The following FAAH2 variants were observed in gnomAD, a reference collection of about 807,000 sequenced individuals.
FAAH2 encodes the protein fatty acid amide hydrolase 2, also known as fatty-acid amide hydrolase 2.
FAAH2 carries 60 observed loss-of-function variants against 36.9 expected under a neutral mutation model. The observed-to-expected ratio is 1.63, with a 90% CI of 1.32 to 2.02. The LOEUF is 2.02. FAAH2 is among the 30% of genes most tolerant of loss of function. The probability of loss-of-function intolerance (pLI) is 0.00; values close to 1 mark genes in which losing one functional copy is unlikely to be tolerated. For synonymous variants in FAAH2, 214 were observed against 143.8 expected, an observed-to-expected ratio of 1.49 and a Z score of -3.49; for missense variants, 689 against 397.5, an observed-to-expected ratio of 1.73 and a Z score of -6.23.
In FAAH2 at chrX:57,439,215, C is replaced by A. The variant is rs1433152494; in HGVS notation, c.1116+7178C>A. Reference sequence around the variant, plus strand: ...ATGGTTGAACTAGTTTACGGTCCCACCAACAGTGTAAAAGTGTTCCTATTT... The same window carrying A: ...ATGGTTGAACTAGTTTACGGTCCCAACAACAGTGTAAAAGTGTTCCTATTT... On this transcript the variant is annotated intron_variant, in intron 8 of 10. Transcript: ENST00000374900. Among the ~76,000 whole-genome samples the A allele has an allele frequency of 2.7e-5, 3 of 109,435 alleles. 1 individual carries two copies. The highest frequency in any genetic ancestry group is 5.7e-5 in the Non-Finnish European group (3 of 52,615).
intron 8 of FAAH2, among the ~76,000 whole-genome samples, chrX:57,434,270 T>G (rs2056364764): frequency 9.2e-6 from 1 of 108,689 alleles, no homozygotes; most frequent in African/African-American, 3.4e-5. Context: ...GAGATGGGGT[T>G]TCACCATTTT....
chrX:57,236,671 C>T, the FAAH2 span, among the ~76,000 whole-genome samples: 1 of 110,972 alleles, frequency 9.0e-6, no homozygotes, highest in East Asian at 2.8e-4. Context: ...CTTTTCAGAC[C>T]TTTTGTCCAT....
chrX:57,478,356 T>G (rs1180828277), intron 10 of FAAH2, among the ~76,000 whole-genome samples: 1 of 111,406 alleles, frequency 9.0e-6, no homozygotes, highest in Non-Finnish European at 1.9e-5. Flanking sequence ...TTCTTGTAAA[T>G]TTGTTTGAGT....
At chrX:57,457,700 CAA>C (rs142534517) in intron 10 of FAAH2, among the ~76,000 whole-genome samples, 1 of 86,349 alleles carries the variant, frequency 1.2e-5, no homozygotes, top group Middle Eastern at 5.7e-3. Context: ...ACAATAGCCA[CAA>C]AAAAAAAAAA....
chrX:57,450,344 A>G (rs959361169), intron 10 of FAAH2, among the ~76,000 whole-genome samples: 10 of 110,327 alleles, frequency 9.1e-5, no homozygotes, highest in African/African-American at 3.3e-4. Flanking sequence ...CAAATCCCTC[A>G]CAGCAACTGA....
chrX:57,449,685 T>C (rs1046051905), intron 10 of FAAH2, among the ~76,000 whole-genome samples: 8 of 110,210 alleles, frequency 7.3e-5, no homozygotes, highest in African/African-American at 2.6e-4. Flanking sequence ...CTTCCTTCCT[T>C]CTTGGAGTTT....
Position 57,381,012 on chromosome X carries a change from A to G in FAAH2, c.979A>G (p.Ile327Val). ...AATGTCCAAAGTGGACCAAGATCTC[A>G]TTATGACTCAGAAAAAGGTAATTTT... ...FLMSKVDQDL[I>V]MTQKKVVVHL... The change falls in exon 7 of 11, where the codon ATT (isoleucine) becomes GTT (valine). Residue 327 changes from isoleucine (I) to valine (V), a missense_variant. Transcript: ENST00000374900. The G allele has an allele frequency of 8.6e-7, 1 of 1,163,693 alleles. No individual in the cohort carries two copies. The highest frequency in any genetic ancestry group is 1.2e-6 in the Non-Finnish European group (1 of 862,330).
chrX:57,484,482 AG>A (rs1267841784), intron 10 of FAAH2, among the ~76,000 whole-genome samples: 1 of 111,559 alleles, frequency 9.0e-6, no homozygotes, highest in Non-Finnish European at 1.9e-5. Flanking sequence ...CCCTTGTTGT[AG>A]GGCTCATCAT....
chrX:57,410,855 T>C (rs1209814284), intron 7 of FAAH2, among the ~76,000 whole-genome samples: 2 of 112,131 alleles, frequency 1.8e-5, no homozygotes, highest in Non-Finnish European at 3.8e-5. Flanking sequence ...GTTGTCTCTA[T>C]GAGTTTTCTT....
intron 7 of FAAH2, among the ~76,000 whole-genome samples, chrX:57,422,174 C>G (rs1022034225): frequency 8.9e-6 from 1 of 112,039 alleles, no homozygotes; most frequent in Admixed American, 9.4e-5. Flanking sequence ...GGCACAACAG[C>G]TGTTTGGAGT....
chrX:57,375,674 C>A (rs1016005857), intron 5 of FAAH2, among the ~76,000 whole-genome samples: 4 of 110,883 alleles, frequency 3.6e-5, no homozygotes, highest in African/African-American at 9.8e-5. Context: ...GAATTATTAT[C>A]TTTTTATATA....
chrX:57,435,343 G>T (rs1284418592), intron 8 of FAAH2, among the ~76,000 whole-genome samples: 1 of 111,175 alleles, frequency 9.0e-6, no homozygotes, highest in Non-Finnish European at 1.9e-5. Context: ...TAAACCTCAT[G>T]TATAAATGTT....
chrX:57,239,974 T>C, the FAAH2 span, among the ~76,000 whole-genome samples: 1 of 112,237 alleles, frequency 8.9e-6, no homozygotes, highest in African/African-American at 3.2e-5. Flanking sequence ...GTTTTGACTT[T>C]CTCCTGAATT....
chrX:57,428,468 A>T (rs187738956), intron 7 of FAAH2, among the ~76,000 whole-genome samples: 2 of 112,008 alleles, frequency 1.8e-5, no homozygotes, highest in African/African-American at 6.5e-5. Context: ...AGTCGGATGC[A>T]TCACATTACC....
intron 10 of FAAH2, among the ~76,000 whole-genome samples, chrX:57,457,797 G>A (rs2056887946): frequency 9.2e-6 from 1 of 109,165 alleles, no homozygotes; most frequent in South Asian, 3.9e-4. Flanking sequence ...GAAATCAGAG[G>A]TAACACAAAT....
chrX:57,361,569 A>G (rs994216302), intron 5 of FAAH2, among the ~76,000 whole-genome samples: 2 of 111,495 alleles, frequency 1.8e-5, no homozygotes, highest in African/African-American at 6.5e-5. Context: ...CATGCTATTT[A>G]ATTTTCATGT....
intron 5 of FAAH2, among the ~76,000 whole-genome samples, chrX:57,358,338 A>C (rs777018342): frequency 9.0e-6 from 1 of 110,680 alleles, no homozygotes; most frequent in African/African-American, 3.3e-5. Flanking sequence ...ATATCACATG[A>C]ATAGCAATTC....
At chrX:57,161,761 C>T in the FAAH2 span, among the ~76,000 whole-genome samples, 3,403 of 111,481 alleles carry the variant, frequency 0.031, 112 homozygotes, top group African/African-American at 0.11. Context: ...TGTCTCTGCA[C>T]GTGAGATGGG....
chrX:57,354,730 G>A (rs1305082030), intron 5 of FAAH2, among the ~76,000 whole-genome samples: 1 of 110,397 alleles, frequency 9.1e-6, no homozygotes, highest in African/African-American at 3.3e-5. Flanking sequence ...AAAAGACTAA[G>A]GGAACATATG....
Sources: gnomAD v4.1 joint callset for allele counts (sites outside exome capture counted in the v4.1 genomes callset) on GRCh38, gnomAD v4.1.1 for gene constraint, MANE v1.5 for transcripts, NCBI Gene and HGNC (gene_info 2026-07-23, HGNC 2026-07-21) for gene names.